Variants in CENPU observed in about 807,000 individuals in gnomAD.
CENPU encodes centromere protein U.
Under a neutral mutation model 56.7 loss-of-function variants are expected in CENPU, and 46 were observed. The ratio of observed to expected loss-of-function variants is 0.81; its 90% CI spans 0.64 to 1.04. The LOEUF is 1.04. Among genes scored for constraint, CENPU ranks in the 50% least tolerant of loss-of-function variants. The probability of loss-of-function intolerance (pLI) is 0.00; values close to 1 mark genes in which losing one functional copy is unlikely to be tolerated. For missense variants in CENPU, 510 were observed against 490.1 expected, an observed-to-expected ratio of 1.04 and a Z score of -0.38; for synonymous variants, 166 against 163.0, an observed-to-expected ratio of 1.02 and a Z score of -0.14.
chr4:184,732,209 C>T (rs1191869491), intron 1 of CENPU, among the ~76,000 whole-genome samples: 1 of 151,580 alleles, frequency 6.6e-6, no homozygotes, highest in Non-Finnish European at 1.5e-5. Flanking sequence ...CACACGTGTA[C>T]TAAGTGTGAT....
intron 4 of CENPU, among the ~76,000 whole-genome samples, chr4:184,723,218 T>C (rs1761336699): frequency 6.6e-6 from 1 of 152,148 alleles, no homozygotes; most frequent in Non-Finnish European, 1.5e-5. Context: ...CTCTAAGATG[T>C]AGTAAGTGAA....
At chr4:184,724,128 T>C (rs1044500743) in intron 4 of CENPU, among the ~76,000 whole-genome samples, 1 of 151,726 alleles carries the variant, frequency 6.6e-6, no homozygotes, top group Non-Finnish European at 1.5e-5. Context: ...CAGCTGGGCA[T>C]GGTGGCGGGC....
chr4:184,714,479 G>C (rs1032740211), intron 6 of CENPU, among the ~76,000 whole-genome samples: 1 of 152,132 alleles, frequency 6.6e-6, no homozygotes, highest in Non-Finnish European at 1.5e-5. Flanking sequence ...ACAGCACAGA[G>C]GATGGGGATG....
At chr4:184,733,877 CG>C in intron 1 of CENPU, 138 bp downstream of exon 1, 5 of 1,142,390 alleles carry the variant, frequency 4.4e-6, no homozygotes, top group South Asian at 1.3e-5. Flanking sequence ...AGGAGGAAGC[CG>C]GGGACCCGGG....
intron 8 of CENPU, among the ~76,000 whole-genome samples, chr4:184,707,970 C>T (rs959678468): frequency 1.3e-5 from 2 of 152,080 alleles, no homozygotes; most frequent in Non-Finnish European, 2.9e-5. Flanking sequence ...CACCTGAAAT[C>T]CCAGCACTTT....
chr4:184,700,454 G>T (rs1379162141), intron 11 of CENPU, among the ~76,000 whole-genome samples: 2 of 152,140 alleles, frequency 1.3e-5, no homozygotes, highest in African/African-American at 2.4e-5. Context: ...TGAGACACTG[G>T]GACATTAAAT....
intron 4 of CENPU, among the ~76,000 whole-genome samples, chr4:184,719,543 G>A (rs964991985): frequency 5.9e-5 from 9 of 152,212 alleles, no homozygotes; most frequent in African/African-American, 2.2e-4. Context: ...AAAGTGCTCT[G>A]GGGCCCTAGG....
At chr4:184,703,342 T>C (rs1184761394) in intron 8 of CENPU, among the ~76,000 whole-genome samples, 1 of 152,196 alleles carries the variant, frequency 6.6e-6, no homozygotes, top group Non-Finnish European at 1.5e-5. Flanking sequence ...TAGCCATAAA[T>C]CAGGTGTTAG....
chr4:184,696,360 G>A (rs1270067334), intron 12 of CENPU, among the ~76,000 whole-genome samples: 1 of 152,142 alleles, frequency 6.6e-6, no homozygotes, highest in African/African-American at 2.4e-5. Context: ...GTGCAAGAAG[G>A]CATTGAGCTC....
chr4:184,705,859 A>G (rs1760710436), intron 8 of CENPU, among the ~76,000 whole-genome samples: 1 of 152,236 alleles, frequency 6.6e-6, no homozygotes. Flanking sequence ...CAGTCACAAA[A>G]AGACAAATAC....
chr4:184,716,711 A>G, intron 5 of CENPU, 78 bp from the exon 6 acceptor site: 1 of 1,089,080 alleles, frequency 9.2e-7, no homozygotes, highest in South Asian at 1.5e-5. Context: ...GTAGAAAACC[A>G]TATATATAGT....
intron 2 of CENPU, among the ~76,000 whole-genome samples, chr4:184,729,394 TTC>T (rs1314621490): frequency 2.0e-5 from 3 of 152,232 alleles, no homozygotes; most frequent in African/African-American, 7.2e-5. Flanking sequence ...GCCGTAAGGT[TTC>T]TGTTTTGACT....
intron 12 of CENPU, among the ~76,000 whole-genome samples, chr4:184,696,495 G>A (rs1347603143): frequency 1.3e-5 from 2 of 152,016 alleles, no homozygotes; most frequent in Non-Finnish European, 2.9e-5. Context: ...CCCAAATTTA[G>A]TAACAAACTC....
intron 3 of CENPU, among the ~76,000 whole-genome samples, chr4:184,728,273 TATA>T (rs1487242137): frequency 6.6e-6 from 1 of 152,238 alleles, no homozygotes; most frequent in East Asian, 1.9e-4. Flanking sequence ...TTATAAAATG[TATA>T]ATATTTTCTT....
intron 8 of CENPU, among the ~76,000 whole-genome samples, chr4:184,705,107 C>CA (rs944803495): frequency 2.7e-5 from 4 of 150,596 alleles, no homozygotes; most frequent in East Asian, 1.9e-4. Flanking sequence ...CAGGTTCAAA[C>CA]AAAAAAAAAT....
At chr4:184,702,644 G>A (rs1035964095) in intron 8 of CENPU, among the ~76,000 whole-genome samples, 3 of 152,066 alleles carry the variant, frequency 2.0e-5, no homozygotes, top group African/African-American at 7.2e-5. Flanking sequence ...TGACACTGAC[G>A]TTTGGGGTAC....
rs1268892483 is a variant in CENPU, at chr4:184,694,471, G to C, written c.*817C>G. On this transcript the variant is annotated 3_prime_UTR_variant, in exon 13 of 13. Coordinates refer to ENST00000281453, the MANE Select transcript of CENPU (RefSeq NM_024629.4). ...AGTATAAGGTTAAATCACATATCCT[G>C]AGTAAATATTTTCCTATCCCACTCT... The C allele has an allele frequency of 6.3e-7, 1 of 1,578,982 alleles. No individual in the cohort carries two copies. Among genetic ancestry groups the C allele is most frequent in the Admixed American group, 1.8e-5 (1 of 56,390 alleles).
intron 2 of CENPU, among the ~76,000 whole-genome samples, chr4:184,730,002 T>A (rs1761582767): frequency 1.3e-5 from 2 of 152,186 alleles, no homozygotes; most frequent in African/African-American, 4.8e-5. Flanking sequence ...GAAAGAATCA[T>A]TCCTGGAGTG....
intron 8 of CENPU, among the ~76,000 whole-genome samples, chr4:184,707,573 G>A (rs933662653): frequency 1.3e-5 from 2 of 152,178 alleles, no homozygotes; most frequent in Non-Finnish European, 2.9e-5. Context: ...TCTGGAGGGC[G>A]AGGAGTGAAG....
Sources: gnomAD v4.1 joint callset for allele counts (sites outside exome capture counted in the v4.1 genomes callset) on GRCh38, gnomAD v4.1.1 for gene constraint, MANE v1.5 for transcripts, NCBI Gene and HGNC (gene_info 2026-07-23, HGNC 2026-07-21) for gene names.